The following CTNNA2 variants were observed in gnomAD, a reference collection of about 807,000 sequenced individuals.
CTNNA2 encodes the protein catenin alpha-2.
In CTNNA2, 42 loss-of-function variants were observed where a neutral mutation model predicts 101.0. The ratio of observed to expected loss-of-function variants is 0.42; its 90% CI spans 0.32 to 0.54. The LOEUF (loss-of-function observed/expected upper bound fraction) is 0.54. Ranked by LOEUF, CTNNA2 falls within the 20% of genes least tolerant of loss-of-function variation. CTNNA2 has a pLI of 0.14. For missense variants in CTNNA2, 871 were observed against 1,223.1 expected (o/e 0.71, Z 4.29); for synonymous variants, 450 against 456.4 (o/e 0.99, Z 0.18).
At chr2:79,901,724 A>C (rs984811534) in intron 6 of CTNNA2, among the ~76,000 whole-genome samples, 1 of 152,236 alleles carries the variant, frequency 6.6e-6, no homozygotes, top group East Asian at 1.9e-4. Flanking sequence ...TTTCTTGGCT[A>C]GTAAAGACCA....
rs1671041214 is a variant in CTNNA2, at chr2:79,475,490, T to C, written c.-134-29564T>C. Among the ~76,000 whole-genome samples, 3 of 152,182 alleles carry C rather than the reference T, an allele frequency of 2.0e-5. No individual in the cohort carries two copies. In the South Asian group the frequency reaches 6.2e-4, roughly 32 times the overall value. ...AGTGCTAGCATTGAATAAAGCAGAT[T>C]TGATTTGTGGTTTTATGAAGGTTAC... On this transcript the variant is annotated intron_variant, in intron 4 of 21. Transcript: ENST00000466387.
intron 1 of CTNNA2, among the ~76,000 whole-genome samples, chr2:79,525,384 A>G (rs1672347110): frequency 6.6e-6 from 1 of 152,002 alleles, no homozygotes; most frequent in Non-Finnish European, 1.5e-5. Context: ...AATTGAGAAA[A>G]TGGGCTAATT....
intron 12 of CTNNA2, among the ~76,000 whole-genome samples, chr2:80,568,738 G>A (rs990058638): frequency 2.0e-5 from 3 of 152,266 alleles, no homozygotes; most frequent in African/African-American, 2.4e-5. Context: ...GGCCAAAGAC[G>A]AGTATGTACA....
At chr2:80,245,268 G>T (rs1397547328) in intron 7 of CTNNA2, among the ~76,000 whole-genome samples, 1 of 152,260 alleles carries the variant, frequency 6.6e-6, no homozygotes, top group East Asian at 1.9e-4. Flanking sequence ...TCGAGTCATT[G>T]GCAAACATGA....
chr2:80,142,391 G>A (rs1254463445), intron 7 of CTNNA2, among the ~76,000 whole-genome samples: 4 of 152,118 alleles, frequency 2.6e-5, no homozygotes, highest in African/African-American at 7.2e-5. Context: ...GCCGCACTGA[G>A]TGAGCAGACC....
intron 7 of CTNNA2, among the ~76,000 whole-genome samples, chr2:80,068,327 G>A (rs1347592253): frequency 6.6e-6 from 1 of 152,168 alleles, no homozygotes; most frequent in African/African-American, 2.4e-5. Flanking sequence ...TGCAGGGAGT[G>A]GCACTAGGTA....
intron 7 of CTNNA2, among the ~76,000 whole-genome samples, chr2:80,154,646 C>T (rs1048920138): frequency 1.3e-5 from 2 of 152,136 alleles, no homozygotes; most frequent in African/African-American, 4.8e-5. Context: ...TGCTGAGAAA[C>T]TACCTAATCC....
intron 1 of CTNNA2, among the ~76,000 whole-genome samples, chr2:79,573,315 C>A (rs1045801035): frequency 1.3e-5 from 2 of 152,170 alleles, no homozygotes; most frequent in African/African-American, 4.8e-5. Flanking sequence ...GCTGACAACA[C>A]ATATCTTACT....
chr2:80,198,297 C>T (rs1706972233), intron 7 of CTNNA2, among the ~76,000 whole-genome samples: 1 of 152,122 alleles, frequency 6.6e-6, no homozygotes, highest in Non-Finnish European at 1.5e-5. Flanking sequence ...GGTCTTTGCT[C>T]TTTCAGATTT....
intron 2 of CTNNA2, among the ~76,000 whole-genome samples, chr2:79,307,890 T>C (rs1676282899): frequency 1.3e-5 from 2 of 152,214 alleles, no homozygotes; most frequent in African/African-American, 4.8e-5. Context: ...TTTTTTTTCT[T>C]TCTGATAATA....
chr2:79,604,424 GAAC>G (rs923579046), intron 1 of CTNNA2, among the ~76,000 whole-genome samples: 10 of 152,278 alleles, frequency 6.6e-5, no homozygotes, highest in Admixed American at 1.3e-4. Flanking sequence ...AGTTTTCGGG[GAAC>G]ACCAGGGGAA....
chr2:80,644,669 T>G (rs1280687978), intron 18 of CTNNA2, among the ~76,000 whole-genome samples: 1 of 152,196 alleles, frequency 6.6e-6, no homozygotes, highest in Non-Finnish European at 1.5e-5. Flanking sequence ...TCAACTTTTT[T>G]TAAAAGTCAA....
chr2:79,449,604 AG>A (rs1678867579), intron 4 of CTNNA2, among the ~76,000 whole-genome samples: 2 of 152,110 alleles, frequency 1.3e-5, no homozygotes, highest in Admixed American at 6.6e-5. Flanking sequence ...AAAATACTTC[AG>A]GAAACAGTTT....
intron 7 of CTNNA2, among the ~76,000 whole-genome samples, chr2:80,339,939 G>A (rs574307752): frequency 6.6e-6 from 1 of 152,300 alleles, no homozygotes; most frequent in South Asian, 2.1e-4. Context: ...TTTAATCTAA[G>A]AATGACGCCT....
At chr2:80,117,714 G>C (rs1161360796) in intron 7 of CTNNA2, among the ~76,000 whole-genome samples, 1 of 152,134 alleles carries the variant, frequency 6.6e-6, no homozygotes, top group East Asian at 1.9e-4. Context: ...CTACTGGGGG[G>C]ATTGAATAGG....
chr2:79,408,294 TTATTA>T, intron 4 of CTNNA2, among the ~76,000 whole-genome samples: 1 of 22,624 alleles, frequency 4.4e-5, no homozygotes, highest in Non-Finnish European at 1.0e-4. Context: ...AATAAATTTA[TTATTA>T]TTATTATTAT....
At chr2:80,439,845 G>C (rs1331064359) in intron 9 of CTNNA2, among the ~76,000 whole-genome samples, 1 of 152,234 alleles carries the variant, frequency 6.6e-6, no homozygotes, top group Non-Finnish European at 1.5e-5. Context: ...GACATTAGCA[G>C]TTGGTAACAG....
chr2:80,143,208 C>T (rs1573209515), intron 7 of CTNNA2, among the ~76,000 whole-genome samples: 1 of 152,168 alleles, frequency 6.6e-6, no homozygotes, highest in East Asian at 1.9e-4. Context: ...AACAGCCTTC[C>T]TCAGAACTTT....
intron 2 of CTNNA2, among the ~76,000 whole-genome samples, chr2:79,201,982 G>A (rs1003355077): frequency 1.3e-5 from 2 of 152,132 alleles, no homozygotes; most frequent in Non-Finnish European, 2.9e-5. Context: ...AGTTCAGTCC[G>A]GTAATATGGG....
Sources: gnomAD v4.1 joint callset for allele counts (sites outside exome capture counted in the v4.1 genomes callset) on GRCh38, gnomAD v4.1.1 for gene constraint, MANE v1.5 for transcripts, NCBI Gene and HGNC (gene_info 2026-07-23, HGNC 2026-07-21) for gene names.